ITGB6: variants seen among roughly 807,000 people sequenced by gnomAD.
ITGB6 encodes integrin beta-6.
A neutral mutation model predicts 84.5 loss-of-function variants in ITGB6; 80 were observed. That is an observed-to-expected ratio of 0.95 (90% CI 0.79 to 1.14). ITGB6 has a LOEUF of 1.14. Ranked by LOEUF, ITGB6 falls within the 50% of genes most tolerant of loss-of-function variation. The pLI is 0.00. For missense variants in ITGB6, 1,006 were observed against 968.0 expected (o/e 1.04, Z -0.52); for synonymous variants, 383 against 354.9 (o/e 1.08, Z -0.89).
At chr2:160,171,476 A>G (rs754669512) in intron 6 of ITGB6, among the ~76,000 whole-genome samples, 2 of 151,914 alleles carry the variant, frequency 1.3e-5, no homozygotes, top group Non-Finnish European at 2.9e-5. Flanking sequence ...TTGGGACTAC[A>G]GGCGCCCACC....
chr2:160,108,647 C>T (rs1697004760), intron 13 of ITGB6, among the ~76,000 whole-genome samples: 1 of 152,182 alleles, frequency 6.6e-6, no homozygotes, highest in African/African-American at 2.4e-5. Context: ...ACCCCTTCCC[C>T]AATATTCTGA....
intron 4 of ITGB6, among the ~76,000 whole-genome samples, chr2:160,188,785 T>C (rs567134750): frequency 6.6e-6 from 1 of 152,090 alleles, no homozygotes; most frequent in African/African-American, 2.4e-5. Flanking sequence ...TTTGTATTTT[T>C]AGTAGAGACA....
At chr2:160,193,743 T>C (rs1559234853) in intron 4 of ITGB6, among the ~76,000 whole-genome samples, 2 of 152,120 alleles carry the variant, frequency 1.3e-5, no homozygotes, top group African/African-American at 4.8e-5. Flanking sequence ...ACTGTGAACA[T>C]AAAATCCAAG....
At chr2:160,116,756 A>C (rs1682789331) in intron 12 of ITGB6, among the ~76,000 whole-genome samples, 1 of 152,214 alleles carries the variant, frequency 6.6e-6, no homozygotes, top group Admixed American at 6.5e-5. Context: ...AGTGTGCTGT[A>C]TTCAGGAAAC....
Position 160,199,201 on chromosome 2 carries a change from T to A in ITGB6, c.119A>T (p.Gln40Leu), listed in dbSNP as rs558509748. Residue 40 changes from glutamine to leucine, a missense_variant, in exon 2 of 15, where the codon CAG (glutamine) becomes CTG (leucine). Physicochemically the swap from Gln to Leu is moderately radical, Grantham distance 113. Coordinates refer to ENST00000283249, the MANE Select transcript of ITGB6 (RefSeq NM_000888.5). Reference protein sequence around the residue: ...TCEDCLLIGPQCAWCAQENFT... With the variant: ...TCEDCLLIGPLCAWCAQENFT... The stretch of plus-strand genomic sequence containing the variant: ...TACCTCCTGAGCACACCAGGCACAC[T>A]GAGGTCCAATAAGCAGGCAGTCTTC... 6.2e-7 allele frequency: 1 copy of A among 1,613,946 alleles called. No individual in the cohort carries two copies. Among genetic ancestry groups the A allele is most frequent in the African/African-American group, 1.3e-5 (1 of 74,920 alleles).
At chr2:160,169,452 C>T in intron 6 of ITGB6, 145 bp from the exon 7 acceptor site, 2 of 540,416 alleles carry the variant, frequency 3.7e-6, no homozygotes, top group Non-Finnish European at 6.6e-6. Flanking sequence ...TAAACAAATA[C>T]ACAATTAGCA....
intron 4 of ITGB6, among the ~76,000 whole-genome samples, chr2:160,188,590 G>T: frequency 6.6e-6 from 1 of 151,084 alleles, no homozygotes. Flanking sequence ...GCTTTTAATC[G>T]TTAACTCATT....
intron 14 of ITGB6, among the ~76,000 whole-genome samples, chr2:160,105,612 T>G (rs1696877776): frequency 6.6e-6 from 1 of 152,250 alleles, no homozygotes; most frequent in South Asian, 2.1e-4. Flanking sequence ...TTAACTTCTC[T>G]GAGCCTTAGT....
Position 160,101,753 on chromosome 2 carries a change from G to T in ITGB6, c.2350C>A (p.Leu784Ile), listed in dbSNP as rs1277349276. The T allele has an allele frequency of 3.2e-6, 5 of 1,573,928 alleles. 1 individual carries two copies. In the South Asian group the frequency reaches 4.4e-5, roughly 14 times the overall value. ...YKHREKQKVD[L>I]STDC ...AAGTAGTTCTAGCAATCTGTGGAAA[G>T]GTCTACCTTTTGTTTTTCCCTGTGT... The change falls in exon 15 of 15, where the codon CTT becomes ATT. Residue 784 changes from leucine to isoleucine, a missense_variant. Physicochemically the swap from Leu to Ile is conservative, Grantham distance 5. Coordinates refer to ENST00000283249, the MANE Select transcript of ITGB6 (RefSeq NM_000888.5).
chr2:160,114,577 A>G (rs1682676994), intron 12 of ITGB6, among the ~76,000 whole-genome samples: 1 of 152,364 alleles, frequency 6.6e-6, no homozygotes, highest in South Asian at 2.1e-4. Context: ...CAGCGTGAGC[A>G]ACGCAGAAGA....
At chr2:160,165,972 A>G (rs916588393) in intron 7 of ITGB6, among the ~76,000 whole-genome samples, 1 of 152,218 alleles carries the variant, frequency 6.6e-6, no homozygotes, top group African/African-American at 2.4e-5. Flanking sequence ...CCAATTTTAG[A>G]AAAGATGAAG....
chr2:160,106,262 T>C (rs1048489530), intron 14 of ITGB6, among the ~76,000 whole-genome samples: 4 of 152,208 alleles, frequency 2.6e-5, no homozygotes, highest in African/African-American at 9.6e-5. Context: ...TTTTGGAGAC[T>C]GGGGCTCACT....
At chr2:160,179,943 CA>C (rs60463723) in intron 4 of ITGB6, among the ~76,000 whole-genome samples, 37,883 of 102,986 alleles carry the variant, frequency 0.37, 5,949 homozygotes, top group Admixed American at 0.48. Context: ...ACTAAAAATA[CA>C]AAAAAAAAAA....
At chr2:160,145,982 T>G (rs533611719) in intron 7 of ITGB6, among the ~76,000 whole-genome samples, 1 of 152,306 alleles carries the variant, frequency 6.6e-6, no homozygotes, top group South Asian at 2.1e-4. Flanking sequence ...ATTTGGTTTC[T>G]GCTTTGGACA....
At chr2:160,103,370 T>C (rs1432527481) in intron 14 of ITGB6, among the ~76,000 whole-genome samples, 1 of 152,232 alleles carries the variant, frequency 6.6e-6, no homozygotes, top group African/African-American at 2.4e-5. Context: ...TCTGACTAAG[T>C]GACATGCTAC....
intron 4 of ITGB6, 96 bp from the exon 5 acceptor site, chr2:160,174,235 T>C (rs1414596717): frequency 1.0e-6 from 1 of 962,524 alleles, no homozygotes; most frequent in East Asian, 2.7e-5. Context: ...TAAATGAAGA[T>C]TAGTTTTTCT....
intron 4 of ITGB6, among the ~76,000 whole-genome samples, chr2:160,184,284 T>G (rs188103609): frequency 1.3e-5 from 2 of 152,186 alleles, no homozygotes; most frequent in African/African-American, 4.8e-5. Context: ...CAATAAAAAA[T>G]GATAAACAGG....
chr2:160,165,082 A>G (rs1488074731), intron 7 of ITGB6, among the ~76,000 whole-genome samples: 1 of 152,186 alleles, frequency 6.6e-6, no homozygotes, highest in Non-Finnish European at 1.5e-5. Context: ...AGAGCAATTT[A>G]TTACCTCCAT....
intron 12 of ITGB6, among the ~76,000 whole-genome samples, chr2:160,117,219 C>T (rs1682822456): frequency 6.6e-6 from 1 of 152,040 alleles, no homozygotes; most frequent in Non-Finnish European, 1.5e-5. Context: ...ACATTTTTTT[C>T]AGCACCACAC....
Sources: allele counts gnomAD v4.1 joint callset (sites outside exome capture counted in the v4.1 genomes callset), GRCh38; gene constraint gnomAD v4.1.1; transcripts MANE v1.5; gene names NCBI Gene and HGNC (gene_info 2026-07-23, HGNC 2026-07-21).